Variants in CD200 observed in about 807,000 individuals in gnomAD.
CD200 encodes the protein CD200 molecule, also known as OX-2 membrane glycoprotein.
A neutral mutation model predicts 30.9 loss-of-function variants in CD200; 15 were observed. The observed-to-expected ratio is 0.49, with a 90% CI of 0.32 to 0.75. The LOEUF (loss-of-function observed/expected upper bound fraction) is 0.75. CD200 is among the 30% of genes least tolerant of loss of function. CD200 has a pLI of 0.03. For synonymous variants in CD200, 134 were observed against 126.2 expected (o/e 1.06, Z -0.41); for missense variants, 262 against 324.2 (o/e 0.81, Z 1.47).
chr3:112,341,008 T>C, intron 2 of CD200, 25 bp downstream of exon 2: 1 of 1,489,126 alleles, frequency 6.7e-7, no homozygotes. Context: ...TTCCCCTGCT[T>C]GGAGCCCAGC....
At chr3:112,356,792 A>G (rs2108471532) in intron 5 of CD200, among the ~76,000 whole-genome samples, 1 of 152,388 alleles carries the variant, frequency 6.6e-6, no homozygotes, top group African/African-American at 2.4e-5. Flanking sequence ...ATGAACAATT[A>G]CTTAGCGATT....
chr3:112,348,298 G>C (rs2081449233), intron 4 of CD200, among the ~76,000 whole-genome samples: 1 of 152,188 alleles, frequency 6.6e-6, no homozygotes, highest in South Asian at 2.1e-4. Context: ...GGCTCAATCT[G>C]GGGGAGATTT....
rs532746445 is a variant in CD200, at chr3:112,357,433, A to T, written c.803-4110A>T. Among the ~76,000 whole-genome samples the T allele has an allele frequency of 3.0e-4, 45 of 152,324 alleles. No homozygotes were observed. The South Asian group carries it at 7.9e-3, about 27-fold the overall frequency. ...CAAATTTCAAGCTACTAACAATTTA[A>T]CCATCAGCGTGAGCCAATAAAGCTC... On this transcript the variant is annotated intron_variant, in intron 5 of 5. Transcript: ENST00000315711.
intron 2 of CD200, among the ~76,000 whole-genome samples, chr3:112,344,401 A>G (rs2081336345): frequency 6.6e-6 from 1 of 152,150 alleles, no homozygotes; most frequent in African/African-American, 2.4e-5. Context: ...AAGCTTCAAG[A>G]TCCTCCAGAA....
chr3:112,352,719 T>C (rs1261826543), intron 5 of CD200, among the ~76,000 whole-genome samples: 1 of 152,192 alleles, frequency 6.6e-6, no homozygotes, highest in East Asian at 1.9e-4. Context: ...TAAGGTCAAT[T>C]CTGTGTTGGG....
In CD200 at chr3:112,349,825, T is replaced by C. The variant is rs752139188; in HGVS notation, c.802+6T>C. 3.1e-6 allele frequency: 5 copies of C among 1,604,682 alleles called. No homozygotes were observed. Among genetic ancestry groups the C allele is most frequent in the East Asian group, 2.2e-5 (1 of 44,720 alleles). ...TCACCGGAATCAGGACCGAGGTGAGTTGTCACAGGGAGTTCAAAAAATGAC... is the reference window on the plus strand; with the variant it reads ...TCACCGGAATCAGGACCGAGGTGAGCTGTCACAGGGAGTTCAAAAAATGAC... On this transcript the variant is annotated splice_donor_region_variant and intron_variant, in intron 5 of 5. Transcript: ENST00000315711.
chr3:112,345,168 C>G lies in CD200; in HGVS notation c.301C>G (p.Leu101Val). The change falls in exon 3 of 6, where the codon CTC becomes GTC. Residue 101 changes from leucine (L) to valine (V), a missense_variant. By Grantham distance (32) the Leu-to-Val change is conservative. Coordinates refer to ENST00000315711, the MANE Select transcript of CD200 (RefSeq NM_005944.7). ...CAAGATAAACATTACCCAGCTGGGACTCCAAAACTCAACCATCACCTTCTG... is the reference window on the plus strand; with the variant it reads ...CAAGATAAACATTACCCAGCTGGGAGTCCAAAACTCAACCATCACCTTCTG... The part of the protein sequence containing the change: ...KDKINITQLG[L>V]QNSTITFWNI... 1 of 1,614,116 alleles carries G rather than the reference C, an allele frequency of 6.2e-7. No individual in the cohort carries two copies. The highest frequency in any genetic ancestry group is 8.5e-7 in the Non-Finnish European group (1 of 1,179,962).
rs147271194 is a variant in CD200, at chr3:112,345,939, G to T, written c.421+651G>T. Among the ~76,000 whole-genome samples, 42 of 152,304 alleles carry T rather than the reference G, an allele frequency of 2.8e-4. No individual in the cohort carries two copies. The East Asian group carries it at 6.7e-3, about 24-fold the overall frequency. On this transcript the variant is annotated intron_variant, in intron 3 of 5. Coordinates refer to ENST00000315711, the MANE Select transcript of CD200 (RefSeq NM_005944.7). ...AACTGACACACAGCTGAGATGAAAG[G>T]TTACGAAGTGAGAATAAGAGATTAC...
chr3:112,345,053 G>A lies in CD200; in HGVS notation c.186G>A (p.Val62=). 6.2e-7 allele frequency: 1 copy of A among 1,614,098 alleles called. No individual in the cohort carries two copies. Among genetic ancestry groups the A allele is most frequent in the South Asian group, 1.1e-5 (1 of 91,086 alleles). ...SLQNAQEALI[V]TWQKKKAVSP... ...AAAATGCCCAGGAAGCCCTCATTGT[G>A]ACATGGCAGAAAAAGAAAGCTGTAA... Residue 62 remains valine, a synonymous_variant, in exon 3 of 6, where the codon GTG becomes GTA. Transcript: ENST00000315711.
chr3:112,340,957 C>T lies in CD200; in HGVS notation c.68C>T (p.Ala23Val), dbSNP rs756780987. The T allele has an allele frequency of 1.9e-5, 31 of 1,612,030 alleles. No homozygotes were observed. Among genetic ancestry groups the T allele is most frequent in the Middle Eastern group, 3.3e-4 (2 of 6,080 alleles). Residue 23 changes from alanine (A) to valine (V), a missense_variant, in exon 2 of 6, where the codon GCA (alanine) becomes GTA (valine). By Grantham distance (64) the Ala-to-Val change is moderately conservative (BLOSUM62 0). Transcript: ENST00000315711. ...LSTYSLVWVM[A>V]AVVLCTAQVQ... is the part of the protein sequence containing the mutation. The stretch of plus-strand genomic sequence containing the variant: ...ACCTACAGCCTGGTTTGGGTCATGG[C>T]AGCAGTGGTGCTGTGCACAGCACAA...
Position 112,361,944 on chromosome 3 carries a change from C to A in CD200, c.*394C>A. 1 of 186,074 alleles carries A rather than the reference C, an allele frequency of 5.4e-6. No homozygotes were observed. 11.5% of individuals were successfully genotyped at this position (186,074 alleles called of 1,614,324 possible). ...GGACCAAATAATTTACCACATAGCT[C>A]TAAAACTTAATTTAAAATGTAATTC... On this transcript the variant is annotated 3_prime_UTR_variant, in exon 6 of 6. Transcript: ENST00000315711.
At chr3:112,342,606 AG>A (rs965706880) in intron 2 of CD200, among the ~76,000 whole-genome samples, 2 of 151,822 alleles carry the variant, frequency 1.3e-5, no homozygotes, top group African/African-American at 4.8e-5. Flanking sequence ...TATTTTTAGT[AG>A]AAACAGGGTT....
rs138994822 is a variant in CD200 at position 112,355,732 on chromosome 3, T to A, written c.803-5811T>A. 6.4e-3 allele frequency among the ~76,000 whole-genome samples: 979 copies of A among 152,270 alleles called. 13 individuals are homozygous for A. Among genetic ancestry groups the A allele is most frequent in the African/African-American group, 0.023 (942 of 41,536 alleles). On this transcript the variant is annotated intron_variant, in intron 5 of 5. Coordinates refer to ENST00000315711, the MANE Select transcript of CD200 (RefSeq NM_005944.7). ...TTCAGAATTCTTCAAAATTCCCATT[T>A]ATAGGCCCTAATTGATTTCAGCAGC...
chr3:112,359,181 C>A (rs2081689016), intron 5 of CD200, among the ~76,000 whole-genome samples: 1 of 152,136 alleles, frequency 6.6e-6, no homozygotes, highest in Non-Finnish European at 1.5e-5. Flanking sequence ...GGAAAAACTT[C>A]TTCAGACCAG....
upstream of CD200, chr3:112,332,787 A>G (rs1337290629): frequency 6.1e-6 from 1 of 163,706 alleles, no homozygotes; most frequent in East Asian, 1.7e-4. Context: ...TAAAAAAAAA[A>G]AAAAGTCCAT....
chr3:112,345,029 A>C lies in CD200; in HGVS notation c.162A>C (p.Gln54His). Residue 54 changes from glutamine to histidine, a missense_variant, in exon 3 of 6, where the codon CAA becomes CAC. Coordinates refer to ENST00000315711, the MANE Select transcript of CD200 (RefSeq NM_005944.7). ...YTPASLKCSL[Q>H]NAQEALIVTW... ...CTGCTTCCTTAAAATGCTCTCTGCAAAATGCCCAGGAAGCCCTCATTGTGA... is the reference window on the plus strand; with the variant it reads ...CTGCTTCCTTAAAATGCTCTCTGCACAATGCCCAGGAAGCCCTCATTGTGA... 1 of 1,614,132 alleles carries C rather than the reference A, an allele frequency of 6.2e-7. No individual in the cohort carries two copies. The highest frequency in any genetic ancestry group is 8.5e-7 in the Non-Finnish European group (1 of 1,180,000).
intron 5 of CD200, among the ~76,000 whole-genome samples, chr3:112,355,977 C>G (rs1487813074): frequency 6.6e-6 from 1 of 152,060 alleles, no homozygotes; most frequent in Non-Finnish European, 1.5e-5. Flanking sequence ...AAATAAAGAA[C>G]AAATGAGATT....
chr3:112,352,742 A>G (rs898134630), intron 5 of CD200, among the ~76,000 whole-genome samples: 1 of 152,212 alleles, frequency 6.6e-6, no homozygotes, highest in African/African-American at 2.4e-5. Context: ...AATGACCAAA[A>G]CAGAAGTTTA....
chr3:112,332,805 A>C, upstream of CD200: 1 of 178,580 alleles, frequency 5.6e-6, no homozygotes, highest in South Asian at 1.7e-4. Context: ...CATTGGTTAA[A>C]TTCAGCTTGA....
Sources: allele counts gnomAD v4.1 joint callset (sites outside exome capture counted in the v4.1 genomes callset), GRCh38; gene constraint gnomAD v4.1.1; transcripts MANE v1.5; gene names NCBI Gene and HGNC (gene_info 2026-07-23, HGNC 2026-07-21).